PIP5K1A: variants seen among roughly 807,000 people sequenced by gnomAD.
PIP5K1A encodes the protein phosphatidylinositol-4-phosphate 5-kinase type 1 alpha.
Under a neutral mutation model 72.9 loss-of-function variants are expected in PIP5K1A, and 46 were observed. That is an observed-to-expected ratio of 0.63 (90% CI 0.50 to 0.81). The LOEUF (loss-of-function observed/expected upper bound fraction) is 0.81, where lower values mean the gene tolerates loss of function less well. Ranked by LOEUF, PIP5K1A falls within the 30% of genes least tolerant of loss-of-function variation. PIP5K1A has a pLI of 0.00. For synonymous variants in PIP5K1A, 228 were observed against 255.1 expected (o/e 0.89, Z 1.01); for missense variants, 458 against 706.1 (o/e 0.65, Z 3.98).
In PIP5K1A at chr1:151,246,919, G is replaced by GT; in HGVS notation, c.1641dup (p.Thr548TyrfsTer7). The GT allele has an allele frequency of 6.2e-7, 1 of 1,611,494 alleles. No individual in the cohort carries two copies. Among genetic ancestry groups the GT allele is most frequent in the African/African-American group, 1.3e-5 (1 of 74,846 alleles). ...TGCTTCCATTTTTTTTCTCCTGTTA[G>GT]TACAACCTTGGAAAAGCTTGAAGTT... On this transcript the variant is annotated frameshift_variant and splice_region_variant. Coordinates refer to ENST00000368888, the MANE Select transcript of PIP5K1A (RefSeq NM_001135638.2). LOFTEE classifies it high-confidence loss of function.
Position 151,199,088 on chromosome 1 carries a change from C to A in PIP5K1A, c.85+7C>A. 1 of 1,613,964 alleles carries A rather than the reference C, an allele frequency of 6.2e-7. No homozygotes were observed. Among genetic ancestry groups the A allele is most frequent in the Non-Finnish European group, 8.5e-7 (1 of 1,179,992 alleles). On this transcript the variant is annotated splice_region_variant and intron_variant, in intron 1 of 15. Coordinates refer to ENST00000368888, the MANE Select transcript of PIP5K1A (RefSeq NM_001135638.2). ...TCCTGTACCTTGTCCTCAGGTAAGC[C>A]CGGCAGGGCGTGGGTAGGGAGCTGG...
intron 6 of PIP5K1A, 42 bp downstream of exon 6, chr1:151,232,407 A>C (rs1189371752): frequency 2.0e-6 from 3 of 1,514,468 alleles, no homozygotes; most frequent in East Asian, 2.3e-5. Flanking sequence ...CCAGTATCAG[A>C]GGGATATTCC....
At chr1:151,195,587 T>C (rs1424364386), upstream of PIP5K1A, among the ~76,000 whole-genome samples, 1 of 151,580 alleles carries the variant, frequency 6.6e-6, no homozygotes, top group Non-Finnish European at 1.5e-5. Flanking sequence ...AAATAAAAAT[T>C]AAAAATATAA....
Position 151,239,117 on chromosome 1 carries a change from A to G in PIP5K1A, c.1230-13A>G, listed in dbSNP as rs768601138. On this transcript the variant is annotated splice_polypyrimidine_tract_variant and intron_variant, in intron 10 of 15. Coordinates refer to ENST00000368888, the MANE Select transcript of PIP5K1A (RefSeq NM_001135638.2). Reference sequence around the variant, plus strand: ...AAAATGACGTGAGTAGGTGATGTACATTTTTCTTGCAGGTTTGTTAAGAAG... The same window carrying G: ...AAAATGACGTGAGTAGGTGATGTACGTTTTTCTTGCAGGTTTGTTAAGAAG... 40 of 1,603,766 alleles carry G rather than the reference A, an allele frequency of 2.5e-5. No homozygotes were observed. Among genetic ancestry groups the G allele is most frequent in the Non-Finnish European group, 3.4e-5 (40 of 1,171,086 alleles).
chr1:151,210,894 CAT>C (rs1177737861), intron 1 of PIP5K1A, among the ~76,000 whole-genome samples: 2 of 152,030 alleles, frequency 1.3e-5, no homozygotes, highest in East Asian at 3.9e-4. Context: ...GGCTTATTGA[CAT>C]ATTTATGTAG....
chr1:151,245,481 TTTC>T (rs1692362561), intron 14 of PIP5K1A, among the ~76,000 whole-genome samples: 2 of 152,166 alleles, frequency 1.3e-5, no homozygotes. Flanking sequence ...TGATTTTGTT[TTTC>T]GAGATGGAGT....
chr1:151,200,352 G>A (rs1291635777), intron 1 of PIP5K1A, among the ~76,000 whole-genome samples: 1 of 150,320 alleles, frequency 6.7e-6, no homozygotes, highest in African/African-American at 2.5e-5. Flanking sequence ...ATTGAGGGAG[G>A]GCTGAGGAGG....
At chr1:151,236,803 C>G (rs1257735892) in intron 9 of PIP5K1A, 40 bp downstream of exon 9, 4 of 1,232,760 alleles carry the variant, frequency 3.2e-6, no homozygotes, top group Non-Finnish European at 4.6e-6. Flanking sequence ...GAACATAGGC[C>G]CACAGCACTT....
chr1:151,211,669 G>A (rs370482079), intron 1 of PIP5K1A, among the ~76,000 whole-genome samples: 5 of 150,682 alleles, frequency 3.3e-5, no homozygotes, highest in African/African-American at 9.7e-5. Context: ...TGTGGCGGGC[G>A]CGTGTAGTCC....
chr1:151,227,501 C>A, intron 4 of PIP5K1A, 101 bp downstream of exon 4: 1 of 679,038 alleles, frequency 1.5e-6, no homozygotes. Flanking sequence ...TGTCCTGTTT[C>A]TTGATCTCCT....
intron 8 of PIP5K1A, among the ~76,000 whole-genome samples, chr1:151,235,432 A>C (rs1276697850): frequency 1.3e-5 from 2 of 152,168 alleles, no homozygotes; most frequent in Non-Finnish European, 2.9e-5. Context: ...AACACTTCCC[A>C]CTGTTGCACA....
chr1:151,248,327 C>T lies in PIP5K1A; in HGVS notation c.*462C>T, dbSNP rs1435209270. 6.3e-6 allele frequency: 1 copy of T among 160,000 alleles called. No individual in the cohort carries two copies. Among genetic ancestry groups the T allele is most frequent in the Non-Finnish European group, 1.4e-5 (1 of 73,120 alleles). 9.9% of individuals were successfully genotyped at this position (160,000 alleles called of 1,614,324 possible). A position where few individuals can be genotyped will look rare whatever the true frequency, so the allele number is the denominator to read the frequency against. On this transcript the variant is annotated 3_prime_UTR_variant, in exon 16 of 16. Coordinates refer to ENST00000368888, the MANE Select transcript of PIP5K1A (RefSeq NM_001135638.2). Reference sequence around the variant, plus strand: ...TCTCTCTGACTCCTGGAAGAATACTCCTGTAATCTCTGTAAAGGTTTTTGG... The same window carrying T: ...TCTCTCTGACTCCTGGAAGAATACTTCTGTAATCTCTGTAAAGGTTTTTGG...
At chr1:151,215,969 C>T (rs1164416004) in intron 1 of PIP5K1A, 2 of 1,303,226 alleles carry the variant, frequency 1.5e-6, no homozygotes, top group Admixed American at 2.3e-5. Context: ...TAGGTTTCAA[C>T]TTTCTGTGCT....
At chr1:151,245,770 A>G (rs1202208421) in intron 14 of PIP5K1A, among the ~76,000 whole-genome samples, 1 of 152,126 alleles carries the variant, frequency 6.6e-6, no homozygotes, top group Non-Finnish European at 1.5e-5. Context: ...TCCTGGCTTC[A>G]GATGATCTGC....
intron 3 of PIP5K1A, among the ~76,000 whole-genome samples, chr1:151,226,773 T>C (rs1689209477): frequency 1.3e-5 from 2 of 149,882 alleles, no homozygotes; most frequent in Non-Finnish European, 3.0e-5. Flanking sequence ...ACACCTGTAA[T>C]CCCAGCACTT....
intron 1 of PIP5K1A, among the ~76,000 whole-genome samples, chr1:151,208,490 A>G (rs1284577811): frequency 6.7e-6 from 1 of 150,174 alleles, no homozygotes; most frequent in Non-Finnish European, 1.5e-5. Flanking sequence ...CCTCCTGAGT[A>G]TCTGGGATTA....
chr1:151,203,198 G>A (rs1421723301), intron 1 of PIP5K1A, among the ~76,000 whole-genome samples: 1 of 152,144 alleles, frequency 6.6e-6, no homozygotes, highest in African/African-American at 2.4e-5. Flanking sequence ...TATGAAATAA[G>A]AGTTGTGGAG....
In PIP5K1A at chr1:151,198,955, TTGAA is replaced by T. The variant is rs1205179063; in HGVS notation, c.-41_-38del. 1 of 1,574,692 alleles carries T rather than the reference TTGAA, an allele frequency of 6.4e-7. No homozygotes were observed. The highest frequency in any genetic ancestry group is 8.7e-7 in the Non-Finnish European group (1 of 1,145,092). ...GATTCCGAGAAGAGGAAGAACCGGA[TTGAA>T]AGAGAGCCAGGCCGCTGAGGGGGAG... On this transcript the variant is annotated 5_prime_UTR_variant, in exon 1 of 16. Transcript: ENST00000368888.
At chr1:151,223,016 CA>C (rs1570879485) in intron 1 of PIP5K1A, among the ~76,000 whole-genome samples, 2 of 151,272 alleles carry the variant, frequency 1.3e-5, no homozygotes, top group Admixed American at 1.3e-4. Context: ...GAGTTAAGAC[CA>C]GCCCAGCCAA....
Sources: allele counts gnomAD v4.1 joint callset (sites outside exome capture counted in the v4.1 genomes callset), GRCh38; gene constraint gnomAD v4.1.1; transcripts MANE v1.5; gene names NCBI Gene and HGNC (gene_info 2026-07-23, HGNC 2026-07-21).